The following USP54 variants were observed in gnomAD, a reference collection of about 807,000 sequenced individuals.
USP54 encodes ubiquitin carboxyl-terminal hydrolase 54.
A neutral mutation model predicts 170.5 loss-of-function variants in USP54; 87 were observed. That is an observed-to-expected ratio of 0.51 (90% CI 0.43 to 0.61). USP54 has a LOEUF of 0.61. Among genes scored for constraint, USP54 ranks in the 20% least tolerant of loss-of-function variants. USP54 has a pLI of 0.00. For missense variants in USP54, 1,786 were observed against 2,047.8 expected (o/e 0.87, Z 2.47); for synonymous variants, 655 against 742.8 (o/e 0.88, Z 1.92).
intron 4 of USP54, among the ~76,000 whole-genome samples, chr10:73,561,964 G>C (rs999373945): frequency 6.6e-6 from 1 of 152,142 alleles, no homozygotes; most frequent in African/African-American, 2.4e-5. Flanking sequence ...AGCTGGGCGT[G>C]GTGGCACACA....
chr10:73,571,627 A>C, intron 3 of USP54, 114 bp from the exon 4 acceptor site: 1 of 737,276 alleles, frequency 1.4e-6, no homozygotes, highest in Non-Finnish European at 2.1e-6. Context: ...TTATTCCCAA[A>C]AGAAAACTTC....
At chr10:73,532,455 G>A (rs1056285929) in intron 12 of USP54, among the ~76,000 whole-genome samples, 8 of 152,148 alleles carry the variant, frequency 5.3e-5, no homozygotes, top group Non-Finnish European at 1.2e-4. Context: ...GATTACAGGC[G>A]TGAGCCACTG....
intron 20 of USP54, among the ~76,000 whole-genome samples, chr10:73,509,354 C>A (rs2059825617): frequency 1.3e-5 from 2 of 151,276 alleles, no homozygotes. Context: ...GTAATCCCAG[C>A]ACTTTGGGAG....
intron 4 of USP54, among the ~76,000 whole-genome samples, chr10:73,568,947 T>C (rs917653323): frequency 6.6e-6 from 1 of 152,186 alleles, no homozygotes; most frequent in Non-Finnish European, 1.5e-5. Context: ...AAGTAACAAT[T>C]TGTCCCTCAG....
chr10:73,533,692 A>T (rs2064548563), intron 12 of USP54, among the ~76,000 whole-genome samples: 4 of 152,204 alleles, frequency 2.6e-5, no homozygotes, highest in Admixed American at 2.6e-4. Context: ...CCATCTCAGC[A>T]GTCATTCACT....
chr10:73,520,885 C>A, intron 18 of USP54, 23 bp downstream of exon 18: 1 of 1,613,928 alleles, frequency 6.2e-7, no homozygotes. Flanking sequence ...AGTGCCACAG[C>A]CATAGCAGTT....
chr10:73,608,767 C>G (rs1433384364), intron 1 of USP54, among the ~76,000 whole-genome samples: 4 of 152,006 alleles, frequency 2.6e-5, no homozygotes, highest in Admixed American at 2.6e-4. Flanking sequence ...CATGCTAGCG[C>G]GTGTCTGTAG....
At position 73,534,708 on chromosome 10, in the gene USP54, T is replaced by C; in HGVS notation, c.1207A>G (p.Lys403Glu). The C allele has an allele frequency of 6.2e-7, 1 of 1,614,166 alleles. No individual in the cohort carries two copies. Among genetic ancestry groups the C allele is most frequent in the Non-Finnish European group, 8.5e-7 (1 of 1,180,010 alleles). ...TDSSTESYPY[K>E]HSHHESVVSH... is the part of the protein sequence containing the mutation. The stretch of plus-strand genomic sequence containing the variant: ...ACCACAGACTCATGGTGGGAATGTT[T>C]GTAGGGATAGCTCTCCGTTGAGGAA... The change falls in exon 12 of 24, where the codon AAA (lysine) becomes GAA (glutamate). Residue 403 changes from lysine (K) to glutamate (E), a missense_variant. Around this residue, in one of 3 missense-constraint regions of USP54, gnomAD observed 1,418 missense variants for 1,569.0 expected, o/e 0.90. Transcript: ENST00000687698.
Position 73,542,815 on chromosome 10 carries a change from G to A in USP54, c.560C>T (p.Thr187Ile), listed in dbSNP as rs774364764. Reference sequence around the variant, plus strand: ...TTGTAAGACTCACCAAAGGGAAGTGGTGGAGATATAATGTACCATCTGGAT... The same window carrying A: ...TTGTAAGACTCACCAAAGGGAAGTGATGGAGATATAATGTACCATCTGGAT... ...PFIQMVHYIS[T>I]TSLCNQAICM... Residue 187 changes from threonine to isoleucine, a missense_variant, in exon 7 of 24, where the codon ACC becomes ATC. This residue lies in a region of USP54 where 361 missense variants were observed against 455.0 expected (regional missense o/e 0.79). Coordinates refer to ENST00000687698, the MANE Select transcript of USP54 (RefSeq NM_001391956.1). The A allele has an allele frequency of 3.1e-6, 5 of 1,614,034 alleles. No homozygotes were observed. The highest frequency in any genetic ancestry group is 4.2e-6 in the Non-Finnish European group (5 of 1,180,008).
At chr10:73,543,674 A>T (rs559584514) in intron 5 of USP54, among the ~76,000 whole-genome samples, 1 of 152,216 alleles carries the variant, frequency 6.6e-6, no homozygotes, top group Non-Finnish European at 1.5e-5. Context: ...CACAACTTTG[A>T]TAACTGTATC....
chr10:73,606,892 A>G (rs2079687153), intron 1 of USP54, among the ~76,000 whole-genome samples: 1 of 151,884 alleles, frequency 6.6e-6, no homozygotes. Context: ...AAAAAAAAAA[A>G]AAAAAGAAAT....
chr10:73,539,847 C>T (rs1453458125), intron 9 of USP54, among the ~76,000 whole-genome samples: 1 of 152,158 alleles, frequency 6.6e-6, no homozygotes, highest in East Asian at 1.9e-4. Flanking sequence ...ATCTTTAGGC[C>T]CAGTGTGGTG....
At chr10:73,585,889 C>T (rs888063377) in intron 1 of USP54, among the ~76,000 whole-genome samples, 4 of 151,924 alleles carry the variant, frequency 2.6e-5, no homozygotes, top group Admixed American at 6.6e-5. Flanking sequence ...GGCGTGGTGG[C>T]GCGTGCCTGT....
chr10:73,596,668 G>A (rs1308222448), intron 1 of USP54, among the ~76,000 whole-genome samples: 1 of 135,134 alleles, frequency 7.4e-6, no homozygotes, highest in Non-Finnish European at 1.5e-5. Context: ...GCAGTGAGCT[G>A]AGATCAGGCC....
chr10:73,553,917 C>T (rs1357526133), intron 4 of USP54, among the ~76,000 whole-genome samples: 2 of 152,162 alleles, frequency 1.3e-5, no homozygotes, highest in Non-Finnish European at 2.9e-5. Context: ...ACCCATCTCT[C>T]TTGATTAAGC....
At chr10:73,509,493 T>C (rs964305709) in intron 20 of USP54, among the ~76,000 whole-genome samples, 2 of 150,194 alleles carry the variant, frequency 1.3e-5, no homozygotes, top group African/African-American at 4.9e-5. Context: ...CGCGTGCCTG[T>C]AATCCCAGCT....
intron 5 of USP54, 106 bp from the exon 6 acceptor site, chr10:73,543,237 G>T: frequency 2.6e-6 from 2 of 761,898 alleles, no homozygotes; most frequent in Non-Finnish European, 4.3e-6. Flanking sequence ...TGGAAGGTAG[G>T]AATATTTTGA....
intron 4 of USP54, among the ~76,000 whole-genome samples, chr10:73,551,552 A>C (rs992638811): frequency 9.2e-5 from 14 of 152,212 alleles, no homozygotes; most frequent in African/African-American, 3.1e-4. Context: ...AAGGAAAAGG[A>C]AGGGGGAAAA....
At chr10:73,577,370 A>G (rs2076255789) in intron 1 of USP54, among the ~76,000 whole-genome samples, 1 of 152,244 alleles carries the variant, frequency 6.6e-6, no homozygotes, top group Non-Finnish European at 1.5e-5. Flanking sequence ...ATGGTTGCAT[A>G]AGACTGTTCT....
Sources: allele counts gnomAD v4.1 joint callset (sites outside exome capture counted in the v4.1 genomes callset), GRCh38; gene constraint gnomAD v4.1.1; regional missense constraint gnomAD v4.1.1; transcripts MANE v1.5; gene names NCBI Gene and HGNC (gene_info 2026-07-23, HGNC 2026-07-21).